The following VGLL4 variants were observed in gnomAD, a reference collection of about 807,000 sequenced individuals.
VGLL4 encodes transcription cofactor vestigial-like protein 4.
Under a neutral mutation model 21.0 loss-of-function variants are expected in VGLL4, and 7 were observed. The observed-to-expected ratio is 0.33, with a 90% CI of 0.19 to 0.63. VGLL4 has a LOEUF of 0.63. VGLL4 is among the 20% of genes least tolerant of loss of function. The probability of loss-of-function intolerance (pLI) is 0.78; values close to 1 mark genes in which losing one functional copy is unlikely to be tolerated. For missense variants in VGLL4, 394 were observed against 425.7 expected (o/e 0.93, Z 0.66); for synonymous variants, 222 against 173.2 (o/e 1.28, Z -2.21).
chr3:11,601,311 C>T (rs1342811008), intron 2 of VGLL4, among the ~76,000 whole-genome samples: 2 of 152,116 alleles, frequency 1.3e-5, no homozygotes, highest in Non-Finnish European at 2.9e-5. Context: ...AGCTGGCTTC[C>T]CTTTATGGGA....
chr3:11,696,718 A>G (rs2076611619), intron 2 of VGLL4, among the ~76,000 whole-genome samples: 1 of 152,186 alleles, frequency 6.6e-6, no homozygotes, highest in Admixed American at 6.5e-5. Context: ...AAGTAAGGGT[A>G]ACCATTGTCT....
intron 2 of VGLL4, among the ~76,000 whole-genome samples, chr3:11,591,255 C>G (rs1468794831): frequency 6.6e-6 from 1 of 152,212 alleles, no homozygotes; most frequent in East Asian, 1.9e-4. Flanking sequence ...ATACCCCAAA[C>G]GTCCTCTAAT....
At chr3:11,635,712 G>C (rs2075573441) in intron 1 of VGLL4, among the ~76,000 whole-genome samples, 1 of 152,188 alleles carries the variant, frequency 6.6e-6, no homozygotes, top group South Asian at 2.1e-4. Flanking sequence ...CTCCCAGCCT[G>C]GTCTCCAGAA....
At chr3:11,717,817 A>T (rs778025554) in intron 1 of VGLL4, among the ~76,000 whole-genome samples, 9 of 152,170 alleles carry the variant, frequency 5.9e-5, no homozygotes, top group Non-Finnish European at 1.2e-4. Context: ...TTCAAAGCAC[A>T]TTATTCTCTG....
At chr3:11,651,003 A>G (rs752803224) in intron 2 of VGLL4, among the ~76,000 whole-genome samples, 7 of 152,176 alleles carry the variant, frequency 4.6e-5, no homozygotes, top group Non-Finnish European at 7.3e-5. Flanking sequence ...TTGCTTCGTA[A>G]TCTACTTAAT....
chr3:11,665,783 C>T (rs2076114639), intron 2 of VGLL4, among the ~76,000 whole-genome samples: 1 of 152,218 alleles, frequency 6.6e-6, no homozygotes. Context: ...GACAAAACTC[C>T]CTCTTTTCGT....
chr3:11,704,526 T>G (rs1188442748), intron 1 of VGLL4, among the ~76,000 whole-genome samples: 1 of 150,756 alleles, frequency 6.6e-6, no homozygotes, highest in Non-Finnish European at 1.5e-5. Flanking sequence ...GCCCAGTAGC[T>G]GCCTTCGAGG....
chr3:11,604,359 A>G lies in VGLL4; in HGVS notation c.83-2337T>C, dbSNP rs2125272311. 3.2e-6 allele frequency: 3 copies of G among 945,084 alleles called. 1 individual carries two copies. The African/African-American group carries it at 5.8e-5, about 18-fold the overall frequency. 58.5% of individuals were successfully genotyped at this position (945,084 alleles called of 1,614,324 possible). On this transcript the variant is annotated intron_variant, in intron 1 of 4. Transcript: ENST00000430365. ...CCAGTTAACAGGTTAGCTGGAGGCA[A>G]GAACCCATGGCCTCTGCAATCAGAC...
Position 11,558,136 on chromosome 3 carries a change from C to A in VGLL4, c.*420G>T, listed in dbSNP as rs2125093168. 4.4e-6 allele frequency: 1 copy of A among 226,866 alleles called. No homozygotes were observed. The highest frequency in any genetic ancestry group is 9.6e-5 in the East Asian group (1 of 10,382). 14.1% of individuals were successfully genotyped at this position (226,866 alleles called of 1,614,324 possible). On this transcript the variant is annotated 3_prime_UTR_variant, in exon 5 of 5. Transcript: ENST00000430365. ...ACGCACACACATGGACCGAACCAAACACGCCGTGGAAGCTGAGCCACACAC... is the reference window on the plus strand; with the variant it reads ...ACGCACACACATGGACCGAACCAAAAACGCCGTGGAAGCTGAGCCACACAC...
At chr3:11,629,812 G>T (rs2075438719) in intron 1 of VGLL4, among the ~76,000 whole-genome samples, 1 of 151,418 alleles carries the variant, frequency 6.6e-6, no homozygotes, top group Non-Finnish European at 1.5e-5. Context: ...TTCCAAATGG[G>T]AGAAAAAACT....
chr3:11,566,559 T>C (rs1290627487), intron 2 of VGLL4, among the ~76,000 whole-genome samples: 1 of 152,188 alleles, frequency 6.6e-6, no homozygotes. Context: ...CGTCCTCATC[T>C]CTGGCTTCAC....
chr3:11,585,777 T>G (rs2125234260), intron 2 of VGLL4, among the ~76,000 whole-genome samples: 1 of 152,366 alleles, frequency 6.6e-6, no homozygotes, highest in South Asian at 2.1e-4. Context: ...CCAAATCTTC[T>G]GCCTCCTCCA....
chr3:11,581,518 A>G (rs2074226618), intron 2 of VGLL4, among the ~76,000 whole-genome samples: 1 of 152,184 alleles, frequency 6.6e-6, no homozygotes, highest in African/African-American at 2.4e-5. Context: ...ACCCAGCTTC[A>G]TTCGGAACAA....
intron 2 of VGLL4, among the ~76,000 whole-genome samples, chr3:11,678,039 T>C (rs967028321): frequency 6.6e-6 from 1 of 152,046 alleles, no homozygotes; most frequent in African/African-American, 2.4e-5. Flanking sequence ...CCCTCAAGAA[T>C]AGAGGCTCCC....
intron 2 of VGLL4, among the ~76,000 whole-genome samples, chr3:11,583,545 T>G (rs1344053491): frequency 6.6e-6 from 1 of 152,188 alleles, no homozygotes; most frequent in Non-Finnish European, 1.5e-5. Flanking sequence ...CTAATGGTAC[T>G]CAACAAGAGA....
At chr3:11,618,492 A>G (rs1360103320) in intron 1 of VGLL4, among the ~76,000 whole-genome samples, 4 of 152,176 alleles carry the variant, frequency 2.6e-5, no homozygotes, top group Non-Finnish European at 5.9e-5. Flanking sequence ...CTTAAGAAAA[A>G]TGGCTTAATA....
In VGLL4 at chr3:11,600,840, G is replaced by A. The variant is rs57105607; in HGVS notation, c.272+993C>T. Among the ~76,000 whole-genome samples, 1,214 of 152,262 alleles carry A rather than the reference G, an allele frequency of 8.0e-3. 9 individuals carry two copies. The highest frequency in any genetic ancestry group is 0.027 in the African/African-American group (1,140 of 41,558). ...GAATAATGAGGAAACACTGACTCATGCTAGAGTGAGCGCTTGGGAAGGGGG... is the reference window on the plus strand; with the variant it reads ...GAATAATGAGGAAACACTGACTCATACTAGAGTGAGCGCTTGGGAAGGGGG... On this transcript the variant is annotated intron_variant, in intron 2 of 4. Coordinates refer to ENST00000430365, the MANE Select transcript of VGLL4 (RefSeq NM_001128219.3).
chr3:11,671,408 G>A, intron 2 of VGLL4: 1 of 818,786 alleles, frequency 1.2e-6, no homozygotes, highest in Non-Finnish European at 2.1e-6. Flanking sequence ...TGGGCCACAT[G>A]TAAGTAACAA....
At chr3:11,590,704 GTGTGTGTT>G (rs1206437549) in intron 2 of VGLL4, among the ~76,000 whole-genome samples, 1 of 150,728 alleles carries the variant, frequency 6.6e-6, no homozygotes, top group African/African-American at 2.5e-5. Context: ...GTGTGTGTGT[GTGTGTGTT>G]TTAACCCATA....
Sources: allele counts gnomAD v4.1 joint callset (sites outside exome capture counted in the v4.1 genomes callset), GRCh38; gene constraint gnomAD v4.1.1; transcripts MANE v1.5; gene names NCBI Gene and HGNC (gene_info 2026-07-23, HGNC 2026-07-21).